Variants in ADORA2B observed in about 807,000 individuals in gnomAD.
ADORA2B encodes the protein adenosine A2b receptor.
A neutral mutation model predicts 20.8 loss-of-function variants in ADORA2B; 18 were observed. That is an observed-to-expected ratio of 0.87 (90% CI 0.60 to 1.29). The LOEUF (loss-of-function observed/expected upper bound fraction) is 1.29, where lower values mean the gene tolerates loss of function less well. Ranked by LOEUF, ADORA2B falls within the 50% of genes most tolerant of loss-of-function variation. The pLI is 0.00. For synonymous variants in ADORA2B, 179 were observed against 178.3 expected (o/e 1.00, Z -0.03); for missense variants, 441 against 422.7 (o/e 1.04, Z -0.38).
chr17:15,900,967 G>C, the ADORA2B span, among the ~76,000 whole-genome samples: 1 of 152,154 alleles, frequency 6.6e-6, no homozygotes, highest in South Asian at 2.1e-4. Flanking sequence ...CAGTCAGAAC[G>C]TGTGTCCCCA....
the ADORA2B span, among the ~76,000 whole-genome samples, chr17:15,922,173 C>T: frequency 1.3e-5 from 2 of 152,206 alleles, no homozygotes; most frequent in African/African-American, 2.4e-5. Context: ...CTTCCCTTCC[C>T]AGATGCGTAC....
At chr17:15,854,268 T>TAA in the ADORA2B span, among the ~76,000 whole-genome samples, 1 of 152,208 alleles carries the variant, frequency 6.6e-6, no homozygotes, top group Non-Finnish European at 1.5e-5. Flanking sequence ...GAGATACATT[T>TAA]AAAAGATCAT....
intron 1 of ADORA2B, among the ~76,000 whole-genome samples, chr17:15,956,849 C>T (rs1597424796): frequency 6.6e-6 from 1 of 152,242 alleles, no homozygotes; most frequent in South Asian, 2.1e-4. Flanking sequence ...TTCTACTCGC[C>T]TCGGCCTCCC....
chr17:15,952,442 T>G (rs1473508284), intron 1 of ADORA2B, among the ~76,000 whole-genome samples: 1 of 152,094 alleles, frequency 6.6e-6, no homozygotes, highest in African/African-American at 2.4e-5. Context: ...AAAATTATGT[T>G]TAGCCCAGGG....
chr17:15,866,730 G>A, the ADORA2B span, among the ~76,000 whole-genome samples: 500 of 144,402 alleles, frequency 3.5e-3, 6 homozygotes, highest in African/African-American at 0.014. Flanking sequence ...TGCCGCTGCC[G>A]CTGCCTCTGC....
the ADORA2B span, among the ~76,000 whole-genome samples, chr17:15,861,261 A>G: frequency 1.3e-5 from 2 of 152,186 alleles, no homozygotes. Flanking sequence ...TTGGCATAAG[A>G]AATGTAGAGA....
At chr17:15,890,496 A>T in the ADORA2B span, among the ~76,000 whole-genome samples, 2 of 149,236 alleles carry the variant, frequency 1.3e-5, no homozygotes, top group African/African-American at 2.5e-5. Context: ...TTATTTATTT[A>T]TTTTTTGTAT....
the ADORA2B span, among the ~76,000 whole-genome samples, chr17:15,871,840 T>A: frequency 1.3e-5 from 2 of 152,220 alleles, no homozygotes; most frequent in Non-Finnish European, 2.9e-5. Context: ...TGGCTTTGTG[T>A]CCTTTCACTG....
chr17:15,931,975 G>T, the ADORA2B span, among the ~76,000 whole-genome samples: 1 of 151,880 alleles, frequency 6.6e-6, no homozygotes, highest in South Asian at 2.1e-4. Flanking sequence ...CAGGTGATCC[G>T]CCCGCCTCAG....
At chr17:15,968,150 G>T (rs1044155518) in intron 1 of ADORA2B, among the ~76,000 whole-genome samples, 3 of 152,194 alleles carry the variant, frequency 2.0e-5, no homozygotes, top group Non-Finnish European at 4.4e-5. Context: ...CAAGGGCTAT[G>T]GGAGTTATGT....
At chr17:15,963,151 A>G (rs1970061260) in intron 1 of ADORA2B, among the ~76,000 whole-genome samples, 1 of 152,212 alleles carries the variant, frequency 6.6e-6, no homozygotes, top group African/African-American at 2.4e-5. Context: ...TGCTTATAAT[A>G]CAATGCCATC....
At chr17:15,974,063 A>G (rs955083921) in intron 1 of ADORA2B, 30 of 152,408 alleles carry the variant, frequency 2.0e-4, no homozygotes, top group African/African-American at 6.7e-4. Flanking sequence ...ATGGACAGAA[A>G]AAGGAAAAGT....
At chr17:15,899,754 G>A in the ADORA2B span, among the ~76,000 whole-genome samples, 1 of 152,156 alleles carries the variant, frequency 6.6e-6, no homozygotes, top group South Asian at 2.1e-4. Context: ...CTGCATCCAT[G>A]TTGCTGCAAA....
intron 1 of ADORA2B, among the ~76,000 whole-genome samples, chr17:15,969,055 G>A (rs537937386): frequency 1.4e-4 from 22 of 152,208 alleles, no homozygotes; most frequent in South Asian, 6.2e-4. Context: ...CTGCACTGGC[G>A]CTGTTCTTGT....
the ADORA2B span, among the ~76,000 whole-genome samples, chr17:15,905,284 T>TGG: frequency 1.5e-3 from 224 of 146,816 alleles, 5 homozygotes; most frequent in African/African-American, 3.8e-3. Context: ...TTGTTGTTGT[T>TGG]GGGGGGGGGT....
intron 1 of ADORA2B, among the ~76,000 whole-genome samples, chr17:15,945,871 C>A (rs1245525067): frequency 3.3e-5 from 5 of 151,898 alleles, no homozygotes; most frequent in Non-Finnish European, 5.9e-5. Flanking sequence ...GCCGTGGAAA[C>A]CCCGGGGAAA....
At chr17:15,934,852 A>G in the ADORA2B span, among the ~76,000 whole-genome samples, 32,278 of 152,014 alleles carry the variant, frequency 0.21, 3,543 homozygotes, top group African/African-American at 0.26. Flanking sequence ...TGTTGCCCAA[A>G]GTGGAGTGCA....
the ADORA2B span, among the ~76,000 whole-genome samples, chr17:15,862,179 CT>C: frequency 3.4e-4 from 48 of 143,228 alleles, no homozygotes; most frequent in Non-Finnish European, 4.5e-4. Context: ...TCCCTTCTCC[CT>C]TTTTTTTTTC....
chr17:15,966,575 C>T (rs1000517517), intron 1 of ADORA2B, among the ~76,000 whole-genome samples: 2 of 152,256 alleles, frequency 1.3e-5, no homozygotes, highest in African/African-American at 2.4e-5. Flanking sequence ...CGTTTCCTTA[C>T]GTAACCTCAG....
Sources: allele counts gnomAD v4.1 joint callset (sites outside exome capture counted in the v4.1 genomes callset), GRCh38; gene constraint gnomAD v4.1.1; transcripts MANE v1.5; gene names NCBI Gene and HGNC (gene_info 2026-07-23, HGNC 2026-07-21).